GRK5: variants seen among roughly 807,000 people sequenced by gnomAD.
GRK5 encodes G protein-coupled receptor kinase 5.
In GRK5, 40 loss-of-function variants were observed where a neutral mutation model predicts 78.4. The ratio of observed to expected loss-of-function variants is 0.51; its 90% confidence interval spans 0.40 to 0.66. GRK5 has a LOEUF of 0.66. GRK5 is among the 30% of genes least tolerant of loss of function. The pLI, the probability that GRK5 is intolerant of heterozygous loss-of-function variation, is 0.00. For synonymous variants in GRK5, 289 were observed against 296.8 expected, an observed-to-expected ratio of 0.97 and a Z score of 0.27; for missense variants, 598 against 759.9, an observed-to-expected ratio of 0.79 and a Z score of 2.50.
chr10:119,229,717 A>C (rs1480287187), intron 1 of GRK5, among the ~76,000 whole-genome samples: 1 of 152,244 alleles, frequency 6.6e-6, no homozygotes, highest in East Asian at 1.9e-4. Context: ...GGCAGGGATC[A>C]GTAAAGCTTT....
intron 1 of GRK5, among the ~76,000 whole-genome samples, chr10:119,316,179 C>G (rs10886455): frequency 0.69 from 105,458 of 152,098 alleles, 38,148 homozygotes; most frequent in Non-Finnish European, 0.79. Context: ...GAGAGCTGGG[C>G]TGGCCATGCC....
intron 2 of GRK5, among the ~76,000 whole-genome samples, chr10:119,364,419 A>G (rs1253271456): frequency 1.3e-5 from 2 of 152,160 alleles, no homozygotes. Flanking sequence ...TTTTTTAAGA[A>G]GCCACCTTTG....
At position 119,448,189 on chromosome 10, in the gene GRK5, CA is replaced by C; in HGVS notation, c.1334del (p.His445ProfsTer7). 1 of 1,590,888 alleles carries C rather than the reference CA, an allele frequency of 6.3e-7. No homozygotes were observed. Among genetic ancestry groups the C allele is most frequent in the Non-Finnish European group, 8.5e-7 (1 of 1,170,514 alleles). Reference protein sequence around the residue: ...QEEGAAEVKRHPFFRNMNFKR... With the variant: ...QEEGAAEVKRXPFFRNMNFKR... The stretch of plus-strand genomic sequence containing the variant: ...GGAGGGGGCTGCAGAGGTCAAGAGA[CA>C]CCCCTTCTTCAGGAACATGAACTTC... On this transcript the variant is annotated frameshift_variant, in exon 13 of 16. Coordinates refer to ENST00000392870, the MANE Select transcript of GRK5 (RefSeq NM_005308.3). LOFTEE classifies it high-confidence loss of function.
rs990980476 is a variant in GRK5 at position 119,459,701 on chromosome 10, A to G, written c.*4634A>G. ...AGTGCCGCTGGATCTAGATGGAGCC[A>G]CTGTTGTTGTTTTTAAAAGAGAAAT... On this transcript the variant is annotated 3_prime_UTR_variant, in exon 16 of 16. Coordinates refer to ENST00000392870, the MANE Select transcript of GRK5 (RefSeq NM_005308.3). The G allele has an allele frequency of 2.0e-5, 3 of 152,172 alleles. No individual in the cohort carries two copies. The highest frequency in any genetic ancestry group is 6.5e-5 in the Admixed American group (1 of 15,278). The allele number at this position is 152,172 out of a possible 1,614,324, so 9.4% of individuals were successfully genotyped here. A position where few individuals can be genotyped will look rare whatever the true frequency, so the allele number is the denominator to read the frequency against.
chr10:119,229,144 C>T (rs2133722394), intron 1 of GRK5, among the ~76,000 whole-genome samples: 1 of 152,098 alleles, frequency 6.6e-6, no homozygotes, highest in African/African-American at 2.4e-5. Context: ...GTAAAGTGGC[C>T]ATTTTGGAGC....
chr10:119,310,032 C>T (rs1359398731), intron 1 of GRK5, among the ~76,000 whole-genome samples: 1 of 152,084 alleles, frequency 6.6e-6, no homozygotes, highest in Non-Finnish European at 1.5e-5. Context: ...GTCTCCGTGG[C>T]GCAGGCTTCC....
At chr10:119,416,399 G>GTAGGA (rs1852453411) in intron 4 of GRK5, among the ~76,000 whole-genome samples, 5 of 152,344 alleles carry the variant, frequency 3.3e-5, no homozygotes, top group East Asian at 3.9e-4. Flanking sequence ...CAGCATTCCT[G>GTAGGA]CCAGCCGTTC....
chr10:119,375,274 A>G (rs1589771666), intron 2 of GRK5, among the ~76,000 whole-genome samples: 1 of 152,044 alleles, frequency 6.6e-6, no homozygotes, highest in African/African-American at 2.4e-5. Context: ...TCACCTCCCC[A>G]CTGTAGCTTC....
intron 3 of GRK5, 140 bp downstream of exon 3, chr10:119,381,067 G>A: frequency 1.8e-6 from 1 of 570,542 alleles, no homozygotes; most frequent in South Asian, 2.6e-5. Flanking sequence ...TACAGACTTT[G>A]ATTAGGAATG....
At position 119,458,274 on chromosome 10, in the gene GRK5, G is replaced by T. The variant is rs914647523; in HGVS notation, c.*3207G>T. On this transcript the variant is annotated 3_prime_UTR_variant, in exon 16 of 16. Transcript: ENST00000392870. ...GCTGCTGTCCCTGGTGGACAGAGGC[G>T]GTCTCTGCCATGGTCACCATGATGC... 2 of 152,194 alleles carry T rather than the reference G, an allele frequency of 1.3e-5. No individual in the cohort carries two copies. Among genetic ancestry groups the T allele is most frequent in the Non-Finnish European group, 2.9e-5 (2 of 68,046 alleles). The allele number at this position is 152,194 out of a possible 1,614,324, so 9.4% of individuals were successfully genotyped here. A position where few individuals can be genotyped will look rare whatever the true frequency, so the allele number is the denominator to read the frequency against.
intron 3 of GRK5, among the ~76,000 whole-genome samples, chr10:119,386,879 C>T (rs1851807294): frequency 6.6e-6 from 1 of 152,236 alleles, no homozygotes; most frequent in Non-Finnish European, 1.5e-5. Flanking sequence ...CTGCCTGACT[C>T]GGCCAGCGCC....
chr10:119,268,702 C>T (rs941406731), intron 1 of GRK5, among the ~76,000 whole-genome samples: 4 of 152,192 alleles, frequency 2.6e-5, no homozygotes, highest in Non-Finnish European at 4.4e-5. Flanking sequence ...TGGCAGTTGT[C>T]GTCACTGTCC....
chr10:119,252,303 A>C (rs1849217438), intron 1 of GRK5, among the ~76,000 whole-genome samples: 1 of 152,148 alleles, frequency 6.6e-6, no homozygotes, highest in African/African-American at 2.4e-5. Context: ...ACGGGCAGAG[A>C]GCTGTCTTGT....
intron 2 of GRK5, among the ~76,000 whole-genome samples, chr10:119,350,056 A>G (rs997964592): frequency 6.5e-4 from 99 of 152,232 alleles, no homozygotes; most frequent in African/African-American, 2.4e-3. Context: ...CAGCTTAACC[A>G]CAGGTGTGAC....
intron 1 of GRK5, 70 bp from the exon 2 acceptor site, chr10:119,326,444 TGG>T: frequency 8.0e-7 from 1 of 1,251,972 alleles, no homozygotes; most frequent in Non-Finnish European, 1.2e-6. Flanking sequence ...AGGAGGCTGG[TGG>T]GCAGGCTCAC....
At chr10:119,368,122 G>T (rs1851480851) in intron 2 of GRK5, among the ~76,000 whole-genome samples, 1 of 152,188 alleles carries the variant, frequency 6.6e-6, no homozygotes, top group Non-Finnish European at 1.5e-5. Flanking sequence ...AAGGCAAGAT[G>T]GGCCCCCAGT....
intron 2 of GRK5, among the ~76,000 whole-genome samples, chr10:119,350,939 A>G (rs1246432056): frequency 1.3e-5 from 2 of 152,120 alleles, no homozygotes; most frequent in Non-Finnish European, 2.9e-5. Context: ...ATGTTTGCCC[A>G]CCCATTAGGC....
At chr10:119,244,835 G>T in intron 1 of GRK5, among the ~76,000 whole-genome samples, 1 of 152,188 alleles carries the variant, frequency 6.6e-6, no homozygotes, top group East Asian at 1.9e-4. Context: ...TGTTGATGAA[G>T]ATGTGGAGAA....
At chr10:119,440,552 A>ATT (rs35117721) in intron 10 of GRK5, among the ~76,000 whole-genome samples, 37 of 137,426 alleles carry the variant, frequency 2.7e-4, no homozygotes, top group African/African-American at 9.8e-4. Context: ...TAGTTTTTGT[A>ATT]TTTTTTTTTT....
Sources: gnomAD v4.1 joint callset for allele counts (sites outside exome capture counted in the v4.1 genomes callset) on GRCh38, gnomAD v4.1.1 for gene constraint, MANE v1.5 for transcripts, NCBI Gene and HGNC (gene_info 2026-07-23, HGNC 2026-07-21) for gene names.